The following PCYT1B variants were observed in gnomAD, a reference collection of about 807,000 sequenced individuals.
PCYT1B encodes the protein choline-phosphate cytidylyltransferase B.
Under a neutral mutation model 26.4 loss-of-function variants are expected in PCYT1B, and 10 were observed. That is an observed-to-expected ratio of 0.38 (90% CI 0.23 to 0.64). PCYT1B has a LOEUF of 0.64. Ranked by LOEUF, PCYT1B falls within the 30% of genes least tolerant of loss-of-function variation. The pLI is 0.56. For synonymous variants in PCYT1B, 131 were observed against 108.4 expected (o/e 1.21, Z -1.29); for missense variants, 161 against 292.7 (o/e 0.55, Z 3.28).
At chrX:24,593,441 C>CTTTCT (rs200527762) in intron 3 of PCYT1B, among the ~76,000 whole-genome samples, 649 of 56,706 alleles carry the variant, frequency 0.011, 13 homozygotes, top group South Asian at 0.028. Context: ...TCCTTTCTTT[C>CTTTCT]TTTCTTTTCT....
At chrX:24,648,475 T>TTTTTTTTTGG (rs1926696696), upstream of PCYT1B, among the ~76,000 whole-genome samples, 1 of 92,943 alleles carries the variant, frequency 1.1e-5, no homozygotes, top group Non-Finnish European at 2.1e-5. Flanking sequence ...TTTTTTTTTT[T>TTTTTTTTTGG]GCGAAGGGCG....
intron 7 of PCYT1B, among the ~76,000 whole-genome samples, chrX:24,572,266 G>GCGCACACA (rs1555955602): frequency 6.1e-5 from 6 of 99,026 alleles, no homozygotes; most frequent in African/African-American, 2.2e-4. Context: ...ACACGCGCGC[G>GCGCACACA]CACACACACA....
At chrX:24,587,447 G>A in intron 4 of PCYT1B, 128 bp from the exon 5 acceptor site, 1 of 468,609 alleles carries the variant, frequency 2.1e-6, no homozygotes, top group Non-Finnish European at 3.9e-6. Context: ...ATTTATAGTG[G>A]AGACCTGAAT....
At chrX:24,606,131 T>G (rs1476669753) in intron 3 of PCYT1B, among the ~76,000 whole-genome samples, 1 of 109,144 alleles carries the variant, frequency 9.2e-6, no homozygotes, top group Non-Finnish European at 1.9e-5. Context: ...CCTAATGACC[T>G]AGAGAGCTGC....
At chrX:24,642,945 C>T (rs1361864758) in intron 1 of PCYT1B, among the ~76,000 whole-genome samples, 1 of 111,824 alleles carries the variant, frequency 8.9e-6, no homozygotes, top group Admixed American at 9.6e-5. Context: ...AAGTAAAACC[C>T]GAAATGAACT....
chrX:24,636,714 C>T (rs765101085), intron 1 of PCYT1B, among the ~76,000 whole-genome samples: 1 of 112,614 alleles, frequency 8.9e-6, no homozygotes, highest in Non-Finnish European at 1.9e-5. Context: ...CAGCGTCCAT[C>T]CCATGCTCCT....
rs1485333551 is a variant in PCYT1B, at chrX:24,627,315, T to C, written c.118-8231A>G. 2.7e-5 allele frequency among the ~76,000 whole-genome samples: 3 copies of C among 111,924 alleles called. No individual in the cohort carries two copies. The East Asian group carries it at 8.4e-4, about 31-fold the overall frequency. On this transcript the variant is annotated intron_variant, in intron 1 of 7. Coordinates refer to ENST00000379144, the MANE Select transcript of PCYT1B (RefSeq NM_004845.5). ...AAGACTGGCTTTCACTCTAGGGAGA[T>C]GGGAGCCATCAGAGCGTTTCGTTTT...
chrX:24,590,025 T>G lies in PCYT1B; in HGVS notation c.484A>C (p.Lys162Gln). The G allele has an allele frequency of 8.3e-7, 1 of 1,201,255 alleles. No individual in the cohort carries two copies. The highest frequency in any genetic ancestry group is 1.1e-6 in the Non-Finnish European group (1 of 888,745). ...GAATGTGGGAGAATGAGAAGTACCT[T>G]GTGTTTTTCCAGAAACTCTGGCGTG... ...TLTPEFLEKHKIDFVAHDDIP... is the reference protein window; with the variant it reads ...TLTPEFLEKHQIDFVAHDDIP... Residue 162 changes from lysine to glutamine, a missense_variant and splice_region_variant, in exon 4 of 8, where the codon AAG (lysine) becomes CAG (glutamine). Coordinates refer to ENST00000379144, the MANE Select transcript of PCYT1B (RefSeq NM_004845.5).
chrX:24,578,935 G>A (rs1455884863), intron 6 of PCYT1B, among the ~76,000 whole-genome samples: 1 of 111,502 alleles, frequency 9.0e-6, no homozygotes, highest in African/African-American at 3.3e-5. Flanking sequence ...TCTGTAAAAT[G>A]GGGATAATAA....
intron 3 of PCYT1B, among the ~76,000 whole-genome samples, chrX:24,600,243 G>C (rs761497074): frequency 9.0e-6 from 1 of 111,027 alleles, no homozygotes; most frequent in South Asian, 3.8e-4. Context: ...TTGGATTTCT[G>C]GTTTCCAGTC....
intron 1 of PCYT1B, among the ~76,000 whole-genome samples, chrX:24,621,238 T>C (rs1248837363): frequency 1.8e-5 from 2 of 111,486 alleles, no homozygotes; most frequent in Non-Finnish European, 3.8e-5. Flanking sequence ...TTTGACTTTG[T>C]GTGCTTAAAA....
At chrX:24,656,129 CAAAAAAAAAAAA>C (rs34397973) in intron 1 of PCYT1B, among the ~76,000 whole-genome samples, 1 of 5,933 alleles carries the variant, frequency 1.7e-4, no homozygotes, top group African/African-American at 8.5e-4. Flanking sequence ...AACTCCATCT[CAAAAAAAAAAAA>C]AAAAAAAAAA....
chrX:24,572,264 G>GCACA (rs199723149), intron 7 of PCYT1B, among the ~76,000 whole-genome samples: 4,949 of 101,191 alleles, frequency 0.049, 120 homozygotes, highest in African/African-American at 0.073. Context: ...ACACACGCGC[G>GCACA]CGCACACACA....
At chrX:24,604,836 C>T (rs1474673622) in intron 3 of PCYT1B, among the ~76,000 whole-genome samples, 2 of 111,977 alleles carry the variant, frequency 1.8e-5, no homozygotes, top group Non-Finnish European at 3.8e-5. Flanking sequence ...CCAAAGGATA[C>T]AGTCTCATGG....
intron 5 of PCYT1B, among the ~76,000 whole-genome samples, chrX:24,580,764 C>A (rs772290093): frequency 9.0e-6 from 1 of 111,591 alleles, no homozygotes; most frequent in Non-Finnish European, 1.9e-5. Context: ...CATATCATTA[C>A]GGCAACTCAG....
chrX:24,589,269 C>T (rs1393036965), intron 4 of PCYT1B, among the ~76,000 whole-genome samples: 3 of 111,898 alleles, frequency 2.7e-5, no homozygotes, highest in African/African-American at 3.2e-5. Flanking sequence ...TCTTCTGCAT[C>T]GTGGCTTTAA....
intron 1 of PCYT1B, among the ~76,000 whole-genome samples, chrX:24,666,606 A>AGTGTGT (rs3859985): frequency 4.0e-5 from 4 of 100,859 alleles, no homozygotes; most frequent in East Asian, 3.1e-4. Flanking sequence ...TATGTGTGTG[A>AGTGTGT]GTGTGTGTGT....
chrX:24,620,547 C>T (rs746352402), intron 1 of PCYT1B, among the ~76,000 whole-genome samples: 43 of 112,208 alleles, frequency 3.8e-4, no homozygotes, highest in Non-Finnish European at 6.8e-4. Flanking sequence ...TGGTAGACCA[C>T]AGTGGCATTT....
chrX:24,605,435 C>T (rs996020530), intron 3 of PCYT1B, among the ~76,000 whole-genome samples: 69 of 111,689 alleles, frequency 6.2e-4, no homozygotes, highest in East Asian at 2.8e-4. Flanking sequence ...CTCCTTCCTC[C>T]GCCCAGTCAC....
Sources: allele counts gnomAD v4.1 joint callset (sites outside exome capture counted in the v4.1 genomes callset), GRCh38; gene constraint gnomAD v4.1.1; transcripts MANE v1.5; gene names NCBI Gene and HGNC (gene_info 2026-07-23, HGNC 2026-07-21).